RYR1: variants seen among roughly 807,000 people sequenced by gnomAD.
The protein encoded by RYR1 is ryanodine receptor 1.
In RYR1, 342 loss-of-function variants were observed where a neutral mutation model predicts 583.5. That is an observed-to-expected ratio of 0.59 (90% CI 0.54 to 0.64). The LOEUF is 0.64. Among genes scored for constraint, RYR1 ranks in the 30% least tolerant of loss-of-function variants. RYR1 has a pLI of 0.00. For missense variants in RYR1, 6,032 were observed against 6,917.2 expected, an observed-to-expected ratio of 0.87 and a Z score of 4.54; for synonymous variants, 2,791 against 2,822.5, an observed-to-expected ratio of 0.99 and a Z score of 0.35.
Position 38,572,135 on chromosome 19 carries a change from G to A in RYR1, c.13863G>A (p.Glu4621=), listed in dbSNP as rs140750876. Residue 4621 remains glutamate (E), a synonymous_variant, in exon 95 of 106, where the codon GAG becomes GAA. Coordinates refer to ENST00000359596, the MANE Select transcript of RYR1 (RefSeq NM_000540.3). ...GWGLGAGEEA[E]GDEDENMVYY... ...GCTTGGGGGCCGGAGAGGAGGCAGAGGGCGATGAGGATGAGAACATGGTGT... is the reference window on the plus strand; with the variant it reads ...GCTTGGGGGCCGGAGAGGAGGCAGAAGGCGATGAGGATGAGAACATGGTGT... 800 of 1,613,910 alleles carry A rather than the reference G, an allele frequency of 5.0e-4. 1 individual carries two copies. Among genetic ancestry groups the A allele is most frequent in the Non-Finnish European group, 6.0e-4 (711 of 1,179,986 alleles).
rs113422327 is a variant in RYR1 at position 38,516,181 on chromosome 19, T to C, written c.9649T>C (p.Ser3217Pro). 1.9e-6 allele frequency: 3 copies of C among 1,571,980 alleles called. No homozygotes were observed. Among genetic ancestry groups the C allele is most frequent in the Non-Finnish European group, 2.6e-6 (3 of 1,158,268 alleles). The change falls in exon 65 of 106, where the codon TCC becomes CCC. Residue 3217 changes from serine to proline, a missense_variant. Ser to Pro is a moderately conservative substitution (Grantham distance 74). This residue lies in a region of RYR1 where 1,493 missense variants were observed against 1,715.5 expected (regional missense o/e 0.87). Coordinates refer to ENST00000359596, the MANE Select transcript of RYR1 (RefSeq NM_000540.3). ...GCAGCTGAACGAGTACAACGCCTGC[T>C]CCGTGTACACCACCAAGTCTCCGCG... ...EPQLNEYNACSVYTTKSPRER... is the reference protein window; with the variant it reads ...EPQLNEYNACPVYTTKSPRER...
intron 42 of RYR1, 117 bp from the exon 43 acceptor site, chr19:38,498,991 G>C: frequency 7.3e-7 from 1 of 1,368,758 alleles, no homozygotes; most frequent in Non-Finnish European, 1.0e-6. Context: ...TGGGCCGAGG[G>C]ATCAGAGCTG....
At chr19:38,503,143 C>A (rs564843720) in intron 49 of RYR1, among the ~76,000 whole-genome samples, 173 bp downstream of exon 49, 1 of 152,146 alleles carries the variant, frequency 6.6e-6, no homozygotes, top group Admixed American at 6.5e-5. Flanking sequence ...TACTAGGATT[C>A]CCAGAACATT....
chr19:38,535,698 T>G (rs1971934475), intron 81 of RYR1: 1 of 590,004 alleles, frequency 1.7e-6, no homozygotes, highest in South Asian at 2.0e-5. Context: ...TTAATCTGCC[T>G]CTACTGTTGT....
chr19:38,444,284 G>A lies in RYR1; in HGVS notation c.537+23G>A. 2 of 1,581,068 alleles carry A rather than the reference G, an allele frequency of 1.3e-6. No individual in the cohort carries two copies. Among genetic ancestry groups the A allele is most frequent in the South Asian group, 1.1e-5 (1 of 89,990 alleles). ...CTGGTGAGCCATTGCGGTTCCTCCT[G>A]CTCCCAGGTCTGGGGGCGCATGGGA... On this transcript the variant is annotated intron_variant, in intron 6 of 105. Transcript: ENST00000359596. The surrounding 1 kb of genome is among the most constrained non-coding windows in gnomAD (Gnocchi z 5.1).
At position 38,489,389 on chromosome 19, in the gene RYR1, A is replaced by C. The variant is rs769466403; in HGVS notation, c.5760A>C (p.Glu1920Asp). The C allele has an allele frequency of 2.5e-6, 4 of 1,613,860 alleles. No homozygotes were observed. In the African/African-American group the frequency reaches 5.3e-5, roughly 22 times the overall value. The change falls in exon 35 of 106, where the codon GAA becomes GAC. Residue 1920 changes from glutamate to aspartate, a missense_variant. Around this residue, in one of 11 missense-constraint regions of RYR1, gnomAD observed 2,627 missense variants for 2,961.3 expected, o/e 0.89. Transcript: ENST00000359596. Reference sequence around the variant, plus strand: ...AGGCAGCAGAAGGGGAGAAAGAAGAAGGCTTGGAGGAAGGGCTGCTCCAGA... The same window carrying C: ...AGGCAGCAGAAGGGGAGAAAGAAGACGGCTTGGAGGAAGGGCTGCTCCAGA... ...EEEAAEGEKE[E>D]GLEEGLLQMK...
chr19:38,544,083 C>T (rs1225832822), intron 87 of RYR1, among the ~76,000 whole-genome samples: 1 of 152,214 alleles, frequency 6.6e-6, no homozygotes, highest in Non-Finnish European at 1.5e-5. Context: ...CCCCACCAAT[C>T]AGCTGGTTTT....
intron 81 of RYR1, 33 bp downstream of exon 81, chr19:38,535,425 G>A: frequency 6.5e-7 from 1 of 1,548,582 alleles, no homozygotes; most frequent in Non-Finnish European, 8.9e-7. Context: ...TTGTTAAGCT[G>A]TGTTTGGTGC....
At position 38,521,696 on chromosome 19, in the gene RYR1, CAAAAAAGA is replaced by C. The variant is rs1354857061; in HGVS notation, c.10260-1320_10260-1313del. On this transcript the variant is annotated intron_variant, in intron 67 of 105. Coordinates refer to ENST00000359596, the MANE Select transcript of RYR1 (RefSeq NM_000540.3). ...TGGGCGACAGAGCGAGACCCTGTCT[CAAAAAAGA>C]AAAAAAGAAAATTTTTTTTTTTTTT... Among the ~76,000 whole-genome samples, 3 of 146,666 alleles carry C rather than the reference CAAAAAAGA, an allele frequency of 2.0e-5. No homozygotes were observed. In the East Asian group the frequency reaches 6.1e-4, roughly 30 times the overall value.
chr19:38,476,360 G>A (rs1005123408), intron 29 of RYR1, among the ~76,000 whole-genome samples: 1 of 152,056 alleles, frequency 6.6e-6, no homozygotes, highest in Non-Finnish European at 1.5e-5. Context: ...CACCATGCCC[G>A]GCTAATTTTT....
At chr19:38,488,658 C>T (rs536873632) in intron 34 of RYR1, among the ~76,000 whole-genome samples, 2 of 152,282 alleles carry the variant, frequency 1.3e-5, no homozygotes, top group East Asian at 1.9e-4. Flanking sequence ...TGCACCACCA[C>T]ACCCAGCTAA....
chr19:38,443,820 G>A, intron 5 of RYR1, 24 bp downstream of exon 5: 1 of 1,612,090 alleles, frequency 6.2e-7, no homozygotes, highest in East Asian at 2.2e-5. Context: ...AGGGGATGGG[G>A]GTGTGAAGGG....
intron 83 of RYR1, among the ~76,000 whole-genome samples, chr19:38,537,508 ACCT>A (rs1277921607): frequency 6.6e-6 from 1 of 151,716 alleles, no homozygotes; most frequent in Non-Finnish European, 1.5e-5. Context: ...TAATCCATTA[ACCT>A]CCACGGTCTG....
chr19:38,507,741 C>T lies in RYR1; in HGVS notation c.8846C>T (p.Ser2949Phe). 2 of 1,613,438 alleles carry T rather than the reference C, an allele frequency of 1.2e-6. No individual in the cohort carries two copies. The change falls in exon 58 of 106, where the codon TCT becomes TTT. Residue 2949 changes from serine (S) to phenylalanine (F), a missense_variant. Ser to Phe is a radical substitution (Grantham distance 155). Coordinates refer to ENST00000359596, the MANE Select transcript of RYR1 (RefSeq NM_000540.3). ...RGLKDMELDS[S>F]SIEKRFAFGF... ...CTTAAGGACATGGAACTGGACTCGT[C>T]TTCCATTGAAAAGCGGTTTGCCTTT... is the stretch of plus-strand genomic sequence containing the variant.
intron 87 of RYR1, among the ~76,000 whole-genome samples, 188 bp downstream of exon 87, chr19:38,544,063 G>T (rs1972321589): frequency 6.6e-6 from 1 of 152,050 alleles, no homozygotes; most frequent in African/African-American, 2.4e-5. Context: ...CTCCTCCTCT[G>T]CCCCTCCCTC....
At chr19:38,507,111 C>G (rs970101197) in intron 57 of RYR1, among the ~76,000 whole-genome samples, 159 bp downstream of exon 57, 1 of 148,650 alleles carries the variant, frequency 6.7e-6, no homozygotes, top group African/African-American at 2.5e-5. Context: ...GGCCTGGACA[C>G]AGAGGCGGGG....
chr19:38,507,227 G>C (rs531822765), intron 57 of RYR1, among the ~76,000 whole-genome samples: 3 of 150,542 alleles, frequency 2.0e-5, no homozygotes, highest in Non-Finnish European at 4.4e-5. Context: ...CGGGGCCAGA[G>C]AGTGGAGGAG....
At position 38,527,047 on chromosome 19, in the gene RYR1, G is replaced by C; in HGVS notation, c.10681G>C (p.Gly3561Arg). 6.2e-7 allele frequency: 1 copy of C among 1,613,894 alleles called. No homozygotes were observed. The highest frequency in any genetic ancestry group is 1.1e-5 in the South Asian group (1 of 91,060). Residue 3561 changes from glycine to arginine, a missense_variant, in exon 72 of 106, where the codon GGA becomes CGA. Coordinates refer to ENST00000359596, the MANE Select transcript of RYR1 (RefSeq NM_000540.3). ...TCTGCACAACAACCTTCACCTTCAG[G>C]GAAAGGTATGCCTCCTTCCTCTGCA... The part of the protein sequence containing the change: ...EFLHNNLHLQ[G>R]KVEGSPSLRW...
At position 38,586,206 on chromosome 19, in the gene RYR1, T is replaced by G. The variant is rs1178766903; in HGVS notation, c.14969+15T>G. 2 of 1,610,170 alleles carry G rather than the reference T, an allele frequency of 1.2e-6. No individual in the cohort carries two copies. The highest frequency in any genetic ancestry group is 1.3e-5 in the African/African-American group (1 of 74,730). ...GCCAATTACATGTGAGCAGACACAC[T>G]GGCCAGTCAGGAGGGTGGGGGGCAT... On this transcript the variant is annotated intron_variant, in intron 104 of 105. Transcript: ENST00000359596.
Sources: gnomAD v4.1 joint callset for allele counts (sites outside exome capture counted in the v4.1 genomes callset) on GRCh38, gnomAD v4.1.1 for gene constraint, gnomAD v4.1.1 regional missense constraint, Gnocchi (gnomAD v3.1) non-coding constraint, MANE v1.5 for transcripts, NCBI Gene and HGNC (gene_info 2026-07-23, HGNC 2026-07-21) for gene names.